KANSL3: variants seen among roughly 807,000 people sequenced by gnomAD.
KANSL3 encodes NSL complex protein NSL3.
Under a neutral mutation model 89.2 loss-of-function variants are expected in KANSL3, and 16 were observed. That is an observed-to-expected ratio of 0.18 (90% CI 0.12 to 0.27). The LOEUF (loss-of-function observed/expected upper bound fraction) is 0.27, where lower values mean the gene tolerates loss of function less well. KANSL3 is among the 10% of genes least tolerant of loss of function. The pLI is 1.00. For synonymous variants in KANSL3, 385 were observed against 419.7 expected, an observed-to-expected ratio of 0.92 and a Z score of 1.01; for missense variants, 879 against 1,110.6, an observed-to-expected ratio of 0.79 and a Z score of 2.96.
Position 96,610,706 on chromosome 2 carries a change from C to A in KANSL3, c.1319+20G>T. 1 of 1,612,856 alleles carries A rather than the reference C, an allele frequency of 6.2e-7. No homozygotes were observed. Among genetic ancestry groups the A allele is most frequent in the Non-Finnish European group, 8.5e-7 (1 of 1,179,286 alleles). On this transcript the variant is annotated intron_variant, in intron 11 of 20. Transcript: ENST00000431828. ...ACACTGTAACACAGCTCTCTTGCAG[C>A]TCTGGGAGAATCCACCCACCTGAGA...
chr2:96,627,805 T>C (rs2072641090), intron 3 of KANSL3: 1 of 760,892 alleles, frequency 1.3e-6, no homozygotes, highest in South Asian at 1.5e-5. Context: ...CAGAAGGAAC[T>C]GCAAGCTCCA....
chr2:96,598,019 C>G (rs1573255837), intron 20 of KANSL3: 117 of 721,100 alleles, frequency 1.6e-4, no homozygotes, highest in Non-Finnish European at 1.7e-4. Context: ...TTCTCAATGA[C>G]CTCTACTCTC....
chr2:96,610,788 G>C lies in KANSL3; in HGVS notation c.1257C>G (p.Phe419Leu), dbSNP rs546197797. 14 of 1,613,978 alleles carry C rather than the reference G, an allele frequency of 8.7e-6. No homozygotes were observed. The South Asian group carries it at 1.3e-4, about 15-fold the overall frequency. The change falls in exon 11 of 21, where the codon TTC becomes TTG. Residue 419 changes from phenylalanine (F) to leucine (L), a missense_variant. Physicochemically the swap from Phe to Leu is conservative, Grantham distance 22. Transcript: ENST00000431828. The part of the protein sequence containing the change: ...LQCHPEAMED[F>L]REKIRAENSL... Reference sequence around the variant, plus strand: ...TGTTCTCAGCTCGAATCTTCTCCCGGAAGTCCTCCATGGCTTCAGGGTGAC... The same window carrying C: ...TGTTCTCAGCTCGAATCTTCTCCCGCAAGTCCTCCATGGCTTCAGGGTGAC...
At chr2:96,631,239 A>T (rs1048275807) in intron 3 of KANSL3, 73 bp downstream of exon 3, 5 of 1,094,608 alleles carry the variant, frequency 4.6e-6, no homozygotes, top group East Asian at 4.7e-5. Flanking sequence ...TAAGGTCCTA[A>T]TAAGTGTTAT....
intron 3 of KANSL3, chr2:96,627,874 A>T (rs1039739696): frequency 1.6e-6 from 2 of 1,278,916 alleles, no homozygotes; most frequent in South Asian, 2.5e-5. Context: ...ACTGAAACTA[A>T]TAAGTTATCA....
chr2:96,618,189 T>C (rs1225143362), intron 5 of KANSL3, among the ~76,000 whole-genome samples: 4 of 149,752 alleles, frequency 2.7e-5, no homozygotes, highest in Non-Finnish European at 4.4e-5. Context: ...TCAGACAACT[T>C]GGATTGATTT....
At chr2:96,585,911 A>G in the KANSL3 span, among the ~76,000 whole-genome samples, 1 of 152,168 alleles carries the variant, frequency 6.6e-6, no homozygotes, top group South Asian at 2.1e-4. Flanking sequence ...GAGCTAAGCT[A>G]TAAGGACACA....
At chr2:96,587,209 C>T in the KANSL3 span, among the ~76,000 whole-genome samples, 1 of 152,162 alleles carries the variant, frequency 6.6e-6, no homozygotes, top group Non-Finnish European at 1.5e-5. Context: ...TCTTCTTGTG[C>T]CATTAGAGAC....
In KANSL3 at chr2:96,602,181, T is replaced by A. The variant is rs1405967028; in HGVS notation, c.2417A>T (p.Asn806Ile). ...GCTTGCCAACTTAGCGAGGCCCCCA[T>A]TGGTCAGCAGCTGGTGGATGGCTGT... ...KPTAIHQLLT[N>I]GGLAKLASSL... Residue 806 changes from asparagine to isoleucine, a missense_variant, in exon 19 of 21, where the codon AAT becomes ATT. By Grantham distance (149) the Asn-to-Ile change is moderately radical. This residue lies in a region of KANSL3 where 89 missense variants were observed against 139.7 expected (regional missense o/e 0.64). Coordinates refer to ENST00000431828, the MANE Select transcript of KANSL3 (RefSeq NM_001115016.3). 1 of 1,604,642 alleles carries A rather than the reference T, an allele frequency of 6.2e-7. No homozygotes were observed. Among genetic ancestry groups the A allele is most frequent in the Non-Finnish European group, 8.5e-7 (1 of 1,175,822 alleles).
rs887793462 is a variant in KANSL3 at position 96,631,262 on chromosome 2, G to A, written c.386+50C>T. ...TAATAAGTGTTATTTCAATGAAGATGATACAAAATAATTACAGGGCAGTGA... is the reference window on the plus strand; with the variant it reads ...TAATAAGTGTTATTTCAATGAAGATAATACAAAATAATTACAGGGCAGTGA... On this transcript the variant is annotated intron_variant, in intron 3 of 20. Coordinates refer to ENST00000431828, the MANE Select transcript of KANSL3 (RefSeq NM_001115016.3). The A allele has an allele frequency of 2.3e-6, 3 of 1,308,140 alleles. No homozygotes were observed. The African/African-American group carries it at 4.4e-5, about 19-fold the overall frequency. The allele number at this position is 1,308,140 out of a possible 1,614,324, so 81.0% of individuals were successfully genotyped here.
intron 5 of KANSL3, among the ~76,000 whole-genome samples, chr2:96,616,707 T>G (rs977473502): frequency 2.6e-5 from 4 of 152,232 alleles, no homozygotes; most frequent in African/African-American, 9.6e-5. Flanking sequence ...AGAGAGGATG[T>G]TGCCTTGAGT....
intron 2 of KANSL3, among the ~76,000 whole-genome samples, chr2:96,633,975 A>G (rs1405245240): frequency 6.6e-6 from 1 of 152,218 alleles, no homozygotes; most frequent in African/African-American, 2.4e-5. Context: ...CAGGTATAGA[A>G]CATTCCTATT....
In KANSL3 at chr2:96,637,131, G is replaced by A. The variant is rs1391746898; in HGVS notation, c.5C>T (p.Ala2Val). 6.4e-7 allele frequency: 1 copy of A among 1,550,528 alleles called. No individual in the cohort carries two copies. Reference sequence around the variant, plus strand: ...GAAGTCCCTCTCCCCACCCCGGTGGGCCATGTCAGTGGAGGGGCAGAAAGT... The same window carrying A: ...GAAGTCCCTCTCCCCACCCCGGTGGACCATGTCAGTGGAGGGGCAGAAAGT... Reference protein sequence around the residue: MAHRGGERDFQT... With the variant: MVHRGGERDFQT... Residue 2 changes from alanine (A) to valine (V), a missense_variant, in exon 2 of 21, where the codon GCC becomes GTC. Transcript: ENST00000431828.
At chr2:96,587,285 C>T in the KANSL3 span, among the ~76,000 whole-genome samples, 2 of 152,250 alleles carry the variant, frequency 1.3e-5, no homozygotes, top group African/African-American at 4.8e-5. Flanking sequence ...GCTTAGGTGG[C>T]ATCAGCAAAG....
At chr2:96,632,924 C>T (rs533215076) in intron 2 of KANSL3, among the ~76,000 whole-genome samples, 23 of 150,182 alleles carry the variant, frequency 1.5e-4, no homozygotes, top group Non-Finnish European at 3.1e-4. Flanking sequence ...CGAGATTGCG[C>T]CACTGCACTC....
downstream of KANSL3, among the ~76,000 whole-genome samples, chr2:96,588,665 A>G (rs1173098401): frequency 2.0e-5 from 3 of 151,886 alleles, no homozygotes; most frequent in Non-Finnish European, 4.4e-5. Flanking sequence ...ATCTCGGCTC[A>G]CTGCAACCTC....
chr2:96,601,797 C>T, intron 19 of KANSL3, 21 bp from the exon 20 acceptor site: 2 of 1,534,218 alleles, frequency 1.3e-6, no homozygotes, highest in Non-Finnish European at 8.8e-7. Context: ...GAGAGAGAAG[C>T]AGAATTTTTG....
At chr2:96,631,511 G>T in intron 2 of KANSL3, 29 bp from the exon 3 acceptor site, 1 of 1,553,128 alleles carries the variant, frequency 6.4e-7, no homozygotes, top group Non-Finnish European at 8.7e-7. Flanking sequence ...ATAGGACCGG[G>T]CCACACATAC....
chr2:96,621,548 C>CTA (rs2071277270), intron 3 of KANSL3, among the ~76,000 whole-genome samples: 1 of 151,354 alleles, frequency 6.6e-6, no homozygotes, highest in African/African-American at 2.4e-5. Flanking sequence ...TTAAGCCAGG[C>CTA]GTGGTAGCAT....
Sources: gnomAD v4.1 joint callset for allele counts (sites outside exome capture counted in the v4.1 genomes callset) on GRCh38, gnomAD v4.1.1 for gene constraint, gnomAD v4.1.1 regional missense constraint, MANE v1.5 for transcripts, NCBI Gene and HGNC (gene_info 2026-07-23, HGNC 2026-07-21) for gene names.